The following OARD1 variants were observed in gnomAD, a reference collection of about 807,000 sequenced individuals.
OARD1 encodes O-acyl-ADP-ribose deacylase 1.
Under a neutral mutation model 19.7 loss-of-function variants are expected in OARD1, and 19 were observed. That is an observed-to-expected ratio of 0.96 (90% CI 0.67 to 1.41). The LOEUF is 1.41. Ranked by LOEUF, OARD1 falls within the 40% of genes most tolerant of loss-of-function variation. OARD1 has a pLI of 0.00. For synonymous variants in OARD1, 70 were observed against 61.8 expected (o/e 1.13, Z -0.62); for missense variants, 190 against 183.8 (o/e 1.03, Z -0.20).
At chr6:41,079,570 T>G (rs1157312284) in intron 1 of OARD1, among the ~76,000 whole-genome samples, 1 of 152,188 alleles carries the variant, frequency 6.6e-6, no homozygotes, top group Non-Finnish European at 1.5e-5. Flanking sequence ...TCTGCCACAT[T>G]TTTTATTCAG....
intron 1 of OARD1, chr6:41,089,445 GGAGGGCAGAGCAGGAC>G: frequency 1.1e-6 from 1 of 903,166 alleles, no homozygotes; most frequent in Non-Finnish European, 1.6e-6. Flanking sequence ...ACTTCATAAT[GGAGGGCAGAGCAGGAC>G]TTCTTTTTTC....
chr6:41,083,479 A>G (rs749615152), intron 1 of OARD1, among the ~76,000 whole-genome samples: 3 of 151,738 alleles, frequency 2.0e-5, no homozygotes, highest in Non-Finnish European at 4.4e-5. Context: ...TGAGCAGGAT[A>G]AAGGTATACA....
rs565039431 is a variant in OARD1, at chr6:41,067,174, C to T, written c.*161G>A. On this transcript the variant is annotated 3_prime_UTR_variant, in exon 6 of 6. Coordinates refer to ENST00000424266, the MANE Select transcript of OARD1 (RefSeq NM_001329686.2). ...TCTTAAGCAAGCCCTCCTCCACAGT[C>T]ATAATCCAAATACTTGAATACAGCA... is the stretch of plus-strand genomic sequence containing the variant. The T allele has an allele frequency of 2.1e-6, 1 of 477,048 alleles. No individual in the cohort carries two copies. The highest frequency in any genetic ancestry group is 3.2e-5 in the East Asian group (1 of 31,512). The allele number at this position is 477,048 out of a possible 1,614,324, so 29.6% of individuals were successfully genotyped here.
chr6:41,073,782 C>T (rs1763630313), upstream of OARD1, among the ~76,000 whole-genome samples: 1 of 152,146 alleles, frequency 6.6e-6, no homozygotes, highest in African/African-American at 2.4e-5. Context: ...CCTGCTCCGC[C>T]GCGCCCCTCC....
At chr6:41,079,239 G>T (rs186811669) in intron 1 of OARD1, 38 of 1,370,016 alleles carry the variant, frequency 2.8e-5, no homozygotes, top group Non-Finnish European at 1.0e-6. Flanking sequence ...TTGGTCTATT[G>T]CCCTGGGGAA....
intron 1 of OARD1, among the ~76,000 whole-genome samples, chr6:41,080,590 T>G (rs1473500386): frequency 6.6e-6 from 1 of 152,174 alleles, no homozygotes; most frequent in African/African-American, 2.4e-5. Context: ...GACAACTGTT[T>G]TGAGTTTTTG....
At chr6:41,089,637 AGGGCCAGCAG>A in intron 1 of OARD1, 1 of 1,612,682 alleles carries the variant, frequency 6.2e-7, no homozygotes, top group Non-Finnish European at 8.5e-7. Flanking sequence ...GTGCAGGTGC[AGGGCCAGCAG>A]GGCCAGACCC....
intron 1 of OARD1, chr6:41,091,777 C>T (rs1764201831): frequency 4.0e-6 from 6 of 1,489,038 alleles, no homozygotes; most frequent in African/African-American, 1.4e-5. Context: ...ATTATGTTGA[C>T]CTCTTGGGAT....
intron 1 of OARD1, chr6:41,094,342 CTG>C: frequency 4.8e-6 from 7 of 1,472,598 alleles, no homozygotes; most frequent in East Asian, 2.3e-5. Flanking sequence ...CACTAGATAA[CTG>C]TGCTGGTTCT....
At chr6:41,090,264 A>G in intron 1 of OARD1, 1 of 1,614,058 alleles carries the variant, frequency 6.2e-7, no homozygotes, top group Non-Finnish European at 8.5e-7. Flanking sequence ...AGGGCAGACC[A>G]TCGTCTATCA....
intron 3 of OARD1, chr6:41,070,880 T>A (rs943742162): frequency 3.3e-6 from 2 of 600,880 alleles, no homozygotes; most frequent in Admixed American, 6.0e-5. Flanking sequence ...TCAGAGTTAT[T>A]TCAAGTTTCA....
upstream of OARD1, among the ~76,000 whole-genome samples, chr6:41,073,847 C>G (rs1467118513): frequency 6.6e-6 from 1 of 152,138 alleles, no homozygotes; most frequent in African/African-American, 2.4e-5. Flanking sequence ...CCCCTTTTGG[C>G]TCGTCATTTC....
chr6:41,087,554 TAAAA>T (rs760757194), intron 1 of OARD1, among the ~76,000 whole-genome samples: 1 of 152,114 alleles, frequency 6.6e-6, no homozygotes, highest in Non-Finnish European at 1.5e-5. Context: ...AATGCTCAAA[TAAAA>T]AAAGTTTGTT....
chr6:41,068,670 G>C (rs1763155109), intron 5 of OARD1, among the ~76,000 whole-genome samples, 171 bp downstream of exon 5: 1 of 152,254 alleles, frequency 6.6e-6, no homozygotes, highest in Non-Finnish European at 1.5e-5. Flanking sequence ...AAATGGCTGT[G>C]CCTTAGTCTA....
At chr6:41,094,342 C>A in intron 1 of OARD1, 1 of 1,472,596 alleles carries the variant, frequency 6.8e-7, no homozygotes, top group Non-Finnish European at 9.5e-7. Context: ...CACTAGATAA[C>A]TGTGCTGGTT....
intron 1 of OARD1, among the ~76,000 whole-genome samples, chr6:41,097,018 T>C (rs1220427593): frequency 2.0e-5 from 3 of 152,238 alleles, no homozygotes; most frequent in African/African-American, 7.2e-5. Context: ...ACATGGTTTC[T>C]CTGGGTCTTT....
intron 1 of OARD1, among the ~76,000 whole-genome samples, chr6:41,090,755 C>T (rs572704175): frequency 1.3e-5 from 2 of 152,118 alleles, no homozygotes; most frequent in East Asian, 1.9e-4. Context: ...GTAAGAAAGA[C>T]GTGAACAAAT....
At chr6:41,068,527 GGC>G (rs1763144123) in intron 5 of OARD1, among the ~76,000 whole-genome samples, 2 of 152,228 alleles carry the variant, frequency 1.3e-5, no homozygotes, top group South Asian at 4.1e-4. Flanking sequence ...TAGGAATAAA[GGC>G]CAAGCTTCAA....
chr6:41,088,049 G>A (rs957154146), intron 1 of OARD1, among the ~76,000 whole-genome samples: 1 of 152,148 alleles, frequency 6.6e-6, no homozygotes, highest in East Asian at 1.9e-4. Flanking sequence ...AAACTAATAG[G>A]AGGAATATAA....
Sources: allele counts gnomAD v4.1 joint callset (sites outside exome capture counted in the v4.1 genomes callset), GRCh38; gene constraint gnomAD v4.1.1; transcripts MANE v1.5; gene names NCBI Gene and HGNC (gene_info 2026-07-23, HGNC 2026-07-21).